CACNA1H: variants seen among roughly 807,000 people sequenced by gnomAD.
CACNA1H encodes voltage-dependent T-type calcium channel subunit alpha-1H.
Under a neutral mutation model 192.5 loss-of-function variants are expected in CACNA1H, and 149 were observed. The ratio of observed to expected loss-of-function variants is 0.77; its 90% CI spans 0.68 to 0.89. The LOEUF (loss-of-function observed/expected upper bound fraction) is 0.89. Among genes scored for constraint, CACNA1H ranks in the 40% least tolerant of loss-of-function variants. The pLI is 0.00. For missense variants in CACNA1H, 4,257 were observed against 3,423.5 expected (o/e 1.24, Z -6.08); for synonymous variants, 2,202 against 1,475.2 (o/e 1.49, Z -11.29).
chr16:1,159,949 T>TG (rs1962965912), intron 2 of CACNA1H: 1 of 152,260 alleles, frequency 6.6e-6, no homozygotes, highest in Admixed American at 6.5e-5. Flanking sequence ...CCGAGGGCGA[T>TG]GCGGCCCCAC....
At chr16:1,194,875 C>A in intron 2 of CACNA1H, 97 bp from the exon 3 acceptor site, 2 of 883,680 alleles carry the variant, frequency 2.3e-6, no homozygotes, top group Non-Finnish European at 1.9e-6. Context: ...GCGCGCACAC[C>A]CGTGGCGGGG....
chr16:1,189,781 A>C (rs1966432311), intron 2 of CACNA1H, among the ~76,000 whole-genome samples: 1 of 152,012 alleles, frequency 6.6e-6, no homozygotes, highest in Non-Finnish European at 1.5e-5. Context: ...GTGCCTGAGG[A>C]GTATTTCAAC....
At chr16:1,164,770 G>C (rs1411377734) in intron 2 of CACNA1H, among the ~76,000 whole-genome samples, 1 of 152,234 alleles carries the variant, frequency 6.6e-6, no homozygotes, top group Non-Finnish European at 1.5e-5. Flanking sequence ...GCTGGGGTCT[G>C]GTGGTGCTGC....
Position 1,216,897 on chromosome 16 carries a change from C to T in CACNA1H, c.5245-35C>T, listed in dbSNP as rs61631105. The T allele has an allele frequency of 2.9e-4, 453 of 1,559,194 alleles. 3 individuals are homozygous for T. The African/African-American group carries it at 3.2e-3, about 11-fold the overall frequency. On this transcript the variant is annotated intron_variant, in intron 30 of 34. Transcript: ENST00000348261. ...GGGTGGGCTGAGGCCTCCCTGCCCG[C>T]CCGTCTGACCCAGCTCTGCTTCTCT...
intron 2 of CACNA1H, among the ~76,000 whole-genome samples, chr16:1,192,625 G>C (rs1015384228): frequency 6.6e-6 from 1 of 152,236 alleles, no homozygotes; most frequent in African/African-American, 2.4e-5. Context: ...CAGGCAAGTG[G>C]CTGGGGGCCA....
intron 2 of CACNA1H, among the ~76,000 whole-genome samples, chr16:1,186,449 G>C (rs1299287939): frequency 2.0e-5 from 3 of 152,190 alleles, no homozygotes; most frequent in East Asian, 3.9e-4. Context: ...GCCGCGGCGT[G>C]GGGTGAACGT....
Position 1,206,227 on chromosome 16 carries a change from G to A in CACNA1H, c.2727G>A (p.Val909=). 6.3e-7 allele frequency: 1 copy of A among 1,591,890 alleles called. No homozygotes were observed. Among genetic ancestry groups the A allele is most frequent in the Admixed American group, 1.7e-5 (1 of 57,494 alleles). The part of the protein sequence containing the change: ...PALRRQLVVL[V]KTMDNVATFC... ...TGCGGCGCCAGCTCGTGGTGCTGGT[G>A]AAGACCATGGACAACGTGGCTACCT... Residue 909 remains valine, a synonymous_variant, in exon 12 of 35, where the codon GTG becomes GTA. Coordinates refer to ENST00000348261, the MANE Select transcript of CACNA1H (RefSeq NM_021098.3).
chr16:1,186,390 G>A (rs529824751), intron 2 of CACNA1H, among the ~76,000 whole-genome samples: 25 of 152,172 alleles, frequency 1.6e-4, no homozygotes, highest in African/African-American at 4.8e-4. Flanking sequence ...TTTCGCTTTC[G>A]TAATTGCACA....
rs72552038 is a variant in CACNA1H, at chr16:1,211,086, C to T, written c.4224-82C>T. 4.4e-6 allele frequency: 7 copies of T among 1,573,266 alleles called. No homozygotes were observed. In the African/African-American group the frequency reaches 5.4e-5, roughly 12 times the overall value. On this transcript the variant is annotated intron_variant, in intron 21 of 34. Transcript: ENST00000348261. The stretch of plus-strand genomic sequence containing the variant: ...TTCGCAGGCCGCCCACTCGGCCCCA[C>T]CTTGGGACCTTTGCTGAGCTCTGCC...
Position 1,215,401 on chromosome 16 carries a change from T to A in CACNA1H, c.5173+26T>A, listed in dbSNP as rs1312154118. The A allele has an allele frequency of 1.3e-5, 20 of 1,562,692 alleles. No homozygotes were observed. In the Admixed American group the frequency reaches 3.3e-4, roughly 26 times the overall value. On this transcript the variant is annotated intron_variant, in intron 29 of 34. Transcript: ENST00000348261. ...GTAGGTGCCCGCGTGCCCGCCAGGT[T>A]CTCTCTGCGGGTGGAGGGTGGGGGC...
chr16:1,213,157 A>G (rs952643159), intron 26 of CACNA1H, among the ~76,000 whole-genome samples: 2 of 152,170 alleles, frequency 1.3e-5, no homozygotes, highest in Non-Finnish European at 2.9e-5. Flanking sequence ...CAGACCCTAG[A>G]CCACAGCCCA....
intron 16 of CACNA1H, 56 bp from the exon 17 acceptor site, chr16:1,208,976 C>T (rs1596449029): frequency 5.0e-6 from 7 of 1,399,980 alleles, no homozygotes; most frequent in African/African-American, 1.5e-5. Flanking sequence ...TCCGTAATGA[C>T]AGCGGTCGGT....
intron 2 of CACNA1H, among the ~76,000 whole-genome samples, chr16:1,178,556 G>A (rs1055956584): frequency 6.6e-6 from 1 of 152,188 alleles, no homozygotes; most frequent in African/African-American, 2.4e-5. Context: ...AGCAGCCGCA[G>A]GAGGAGCCGG....
chr16:1,203,584 A>G (rs1016381593), intron 9 of CACNA1H, among the ~76,000 whole-genome samples: 1 of 152,126 alleles, frequency 6.6e-6, no homozygotes, highest in Non-Finnish European at 1.5e-5. Flanking sequence ...AGAACAGCGG[A>G]AAATCACTCA....
In CACNA1H at chr16:1,201,771, C is replaced by T. The variant is rs889849697; in HGVS notation, c.1321C>T (p.Leu441=). The change falls in exon 9 of 35, where the codon CTG becomes TTG. Residue 441 remains leucine (L), a synonymous_variant. Coordinates refer to ENST00000348261, the MANE Select transcript of CACNA1H (RefSeq NM_021098.3). The part of the protein sequence containing the change: ...QLMREQRARH[L]SNDSTLASFS... ...GATGCGGGAGCAGCGGGCACGCCAC[C>T]TGTCCAACGACAGCACGCTGGCCAG... 2.5e-6 allele frequency: 4 copies of T among 1,606,006 alleles called. No individual in the cohort carries two copies. The highest frequency in any genetic ancestry group is 2.5e-6 in the Non-Finnish European group (3 of 1,177,218).
At chr16:1,166,072 CTG>C (rs1473319210) in intron 2 of CACNA1H, among the ~76,000 whole-genome samples, 1 of 152,240 alleles carries the variant, frequency 6.6e-6, no homozygotes, top group African/African-American at 2.4e-5. Context: ...TTGGGTGACT[CTG>C]AGAGCTGACG....
At chr16:1,211,847 C>T (rs371083845) in intron 24 of CACNA1H, 42 bp downstream of exon 24, 34 of 1,609,758 alleles carry the variant, frequency 2.1e-5, no homozygotes, top group Non-Finnish European at 2.5e-5. Context: ...CAGGGTCTCC[C>T]GCGAGCGGCT....
chr16:1,218,299 G>T lies in CACNA1H; in HGVS notation c.5535G>T (p.Leu1845=). The T allele has an allele frequency of 6.4e-7, 1 of 1,554,626 alleles. No homozygotes were observed. Among genetic ancestry groups the T allele is most frequent in the African/African-American group, 1.4e-5 (1 of 73,320 alleles). The change falls in exon 33 of 35, where the codon CTG becomes CTT. Residue 1845 remains leucine (L), a synonymous_variant. Transcript: ENST00000348261. ...LSPVYFVTFV[L]VAQFVLVNVV... is the part of the protein sequence containing the mutation. ...CCGTCTACTTCGTGACCTTCGTGCTGGTGGCCCAGTTCGTGCTGGTGAACG... is the reference window on the plus strand; with the variant it reads ...CCGTCTACTTCGTGACCTTCGTGCTTGTGGCCCAGTTCGTGCTGGTGAACG...
intron 2 of CACNA1H, among the ~76,000 whole-genome samples, chr16:1,176,422 C>T (rs751058353): frequency 7.9e-5 from 12 of 152,178 alleles, no homozygotes; most frequent in Non-Finnish European, 7.4e-5. Context: ...CTCCTACTCT[C>T]GGCAGCACCA....
Sources: allele counts gnomAD v4.1 joint callset (sites outside exome capture counted in the v4.1 genomes callset), GRCh38; gene constraint gnomAD v4.1.1; transcripts MANE v1.5; gene names NCBI Gene and HGNC (gene_info 2026-07-23, HGNC 2026-07-21).